Variants in LRRC40 observed in about 807,000 individuals in gnomAD.
LRRC40 encodes the protein leucine rich repeat containing 40.
LRRC40 carries 76 observed loss-of-function variants against 72.8 expected under a neutral mutation model. The observed-to-expected ratio is 1.04, with a 90% CI of 0.87 to 1.26. The LOEUF is 1.26. Ranked by LOEUF, LRRC40 falls within the 50% of genes most tolerant of loss-of-function variation. The pLI, the probability that LRRC40 is intolerant of heterozygous loss-of-function variation, is 0.00. For synonymous variants in LRRC40, 243 were observed against 254.2 expected (o/e 0.96, Z 0.42); for missense variants, 684 against 698.9 (o/e 0.98, Z 0.24).
chr1:70,178,992 C>T lies in LRRC40; in HGVS notation c.663G>A (p.Arg221=). 1 of 1,573,664 alleles carries T rather than the reference C, an allele frequency of 6.4e-7. No individual in the cohort carries two copies. The change falls in exon 6 of 15, where the codon AGG becomes AGA. Residue 221 remains arginine, a splice_region_variant and synonymous_variant. Coordinates refer to ENST00000370952, the MANE Select transcript of LRRC40 (RefSeq NM_017768.5). ...SLPAEINRMK[R]LKHLDCNSNL... ...TTGAATTACAATCCAAATGCTTCAA[C>T]CCTGTAATATATATTCAGTAAAAAA...
rs148674964 is a variant in LRRC40, at chr1:70,163,655, T to C, written c.1112-4217A>G. On this transcript the variant is annotated intron_variant, in intron 9 of 14. Transcript: ENST00000370952. ...CTTAATTGCCCTTTGCCATGTAAGG[T>C]AACCCATTCACAGGTTTCAGGGATT... Among the ~76,000 whole-genome samples the C allele has an allele frequency of 3.0e-4, 45 of 152,330 alleles. No homozygotes were observed. In the East Asian group the frequency reaches 8.7e-3, roughly 29 times the overall value.
intron 9 of LRRC40, among the ~76,000 whole-genome samples, chr1:70,166,249 C>T (rs1667877585): frequency 1.3e-5 from 2 of 152,094 alleles, no homozygotes; most frequent in Non-Finnish European, 2.9e-5. Context: ...CTACAAATGT[C>T]AGGAAATACC....
At chr1:70,190,676 C>CCAAAAAAAAAAAAAAAAA (rs1483272385) in intron 1 of LRRC40, among the ~76,000 whole-genome samples, 1 of 18,148 alleles carries the variant, frequency 5.5e-5, no homozygotes, top group Non-Finnish European at 9.1e-5. Flanking sequence ...GACCCTGTCT[C>CCAAAAAAAAAAAAAAAAA]TAAAAAAAAA....
In LRRC40 at chr1:70,179,362, C is replaced by A. The variant is rs58245673; in HGVS notation, c.662-369G>T. Among the ~76,000 whole-genome samples, 235 of 152,108 alleles carry A rather than the reference C, an allele frequency of 1.5e-3. 1 individual carries two copies. Among genetic ancestry groups the A allele is most frequent in the African/African-American group, 5.3e-3 (219 of 41,504 alleles). On this transcript the variant is annotated intron_variant, in intron 5 of 14. Transcript: ENST00000370952. The stretch of plus-strand genomic sequence containing the variant: ...ATTAGCTGGGCATGGTGGTGCATGC[C>A]TGTAGTCCCAGCTACTTGGGAGGTT...
Position 70,201,851 on chromosome 1 carries a change from C to T in LRRC40, c.151+3539G>A, listed in dbSNP as rs569430165. Among the ~76,000 whole-genome samples the T allele has an allele frequency of 1.5e-4, 23 of 152,176 alleles. No individual in the cohort carries two copies. The South Asian group carries it at 4.0e-3, about 26-fold the overall frequency. On this transcript the variant is annotated intron_variant, in intron 1 of 14. Coordinates refer to ENST00000370952, the MANE Select transcript of LRRC40 (RefSeq NM_017768.5). ...AATTAGCCAGGCATGACAGCACATCCCTGTAATCCCAGCTACTCAGGAGGC... is the reference window on the plus strand; with the variant it reads ...AATTAGCCAGGCATGACAGCACATCTCTGTAATCCCAGCTACTCAGGAGGC...
intron 12 of LRRC40, 79 bp downstream of exon 12, chr1:70,152,354 G>T (rs976334262): frequency 4.1e-6 from 3 of 739,554 alleles, no homozygotes; most frequent in African/African-American, 3.6e-5. Flanking sequence ...GAAAATATGA[G>T]GTAAAAAGAA....
At position 70,181,138 on chromosome 1, in the gene LRRC40, A is replaced by AT. The variant is rs1430773910; in HGVS notation, c.608dup (p.Asn203LysfsTer4). ...AACTCTTCAGTTCATTACTAGAAAG[A>AT]TTGAGTCGCACCAGACTGGACAGAG... On this transcript the variant is annotated frameshift_variant, in exon 5 of 15. Coordinates refer to ENST00000370952, the MANE Select transcript of LRRC40 (RefSeq NM_017768.5). LOFTEE classifies it high-confidence loss of function. The AT allele has an allele frequency of 6.2e-7, 1 of 1,600,396 alleles. No individual in the cohort carries two copies. Among genetic ancestry groups the AT allele is most frequent in the East Asian group, 2.3e-5 (1 of 44,354 alleles).
At chr1:70,162,731 G>A (rs180958306) in intron 9 of LRRC40, among the ~76,000 whole-genome samples, 1 of 152,314 alleles carries the variant, frequency 6.6e-6, no homozygotes, top group African/African-American at 2.4e-5. Flanking sequence ...ATAAAAATGA[G>A]TAAGACACTG....
chr1:70,153,740 G>A (rs998626087), intron 11 of LRRC40, among the ~76,000 whole-genome samples: 2 of 152,072 alleles, frequency 1.3e-5, no homozygotes, highest in African/African-American at 4.8e-5. Context: ...CCAGCACTTT[G>A]GAAGGCCAAG....
chr1:70,180,178 G>C (rs1331429811), intron 5 of LRRC40: 1 of 152,076 alleles, frequency 6.6e-6, no homozygotes, highest in South Asian at 2.1e-4. Flanking sequence ...CCAGGCTTCA[G>C]TGTAGTGGAT....
At chr1:70,189,339 T>C (rs1375564762) in intron 1 of LRRC40, 66 bp from the exon 2 acceptor site, 2 of 1,277,024 alleles carry the variant, frequency 1.6e-6, no homozygotes, top group East Asian at 2.4e-5. Flanking sequence ...CAGAACTAGA[T>C]ACTAAGTGAC....
chr1:70,193,701 G>C (rs760069387), intron 1 of LRRC40, among the ~76,000 whole-genome samples: 2 of 151,930 alleles, frequency 1.3e-5, no homozygotes, highest in Non-Finnish European at 2.9e-5. Flanking sequence ...AATGATTATA[G>C]ACCCAAATTC....
intron 13 of LRRC40, 81 bp downstream of exon 13, chr1:70,151,046 GT>G (rs1380815592): frequency 1.5e-5 from 11 of 742,020 alleles, no homozygotes; most frequent in South Asian, 5.6e-5. Flanking sequence ...GGGCCTTTTT[GT>G]TTTTTTGGCT....
chr1:70,166,281 T>G (rs748173857), intron 9 of LRRC40, among the ~76,000 whole-genome samples: 7 of 152,182 alleles, frequency 4.6e-5, no homozygotes, highest in Non-Finnish European at 1.0e-4. Flanking sequence ...TAAATGTGAT[T>G]GAACAACCAG....
At position 70,198,212 on chromosome 1, in the gene LRRC40, T is replaced by C. The variant is rs1047706427; in HGVS notation, c.151+7178A>G. ...AATAAAAGCTAACCAAACTGCTCTCTTCAAGATAAGGCAGGATAGCCTTAC... is the reference window on the plus strand; with the variant it reads ...AATAAAAGCTAACCAAACTGCTCTCCTCAAGATAAGGCAGGATAGCCTTAC... On this transcript the variant is annotated intron_variant, in intron 1 of 14. Coordinates refer to ENST00000370952, the MANE Select transcript of LRRC40 (RefSeq NM_017768.5). Among the ~76,000 whole-genome samples, 32 of 152,322 alleles carry C rather than the reference T, an allele frequency of 2.1e-4. 1 individual carries two copies. Among genetic ancestry groups the C allele is most frequent in the African/African-American group, 7.7e-4 (32 of 41,574 alleles).
chr1:70,196,474 C>T (rs1558129295), intron 1 of LRRC40, among the ~76,000 whole-genome samples: 1 of 151,864 alleles, frequency 6.6e-6, no homozygotes, highest in Non-Finnish European at 1.5e-5. Context: ...CACTTGAGAC[C>T]AGAAGTTTGA....
At position 70,192,973 on chromosome 1, in the gene LRRC40, T is replaced by TA. The variant is rs956932454; in HGVS notation, c.152-3701dup. 4.0e-5 allele frequency among the ~76,000 whole-genome samples: 6 copies of TA among 150,882 alleles called. No homozygotes were observed. In the East Asian group the frequency reaches 5.8e-4, roughly 15 times the overall value. On this transcript the variant is annotated intron_variant, in intron 1 of 14. Coordinates refer to ENST00000370952, the MANE Select transcript of LRRC40 (RefSeq NM_017768.5). ...TACCCTTGAACCTAAAATAAATGTT[T>TA]AAAAAAAAACAGTATAATGGAATAA...
intron 11 of LRRC40, among the ~76,000 whole-genome samples, chr1:70,153,230 C>T (rs1325704547): frequency 4.0e-5 from 6 of 151,854 alleles, no homozygotes; most frequent in Admixed American, 6.6e-5. Flanking sequence ...GGCATGGTGG[C>T]GGGCACCTGT....
intron 9 of LRRC40, among the ~76,000 whole-genome samples, chr1:70,168,793 ATTTAACAACATATCC>A (rs1449733491): frequency 3.3e-5 from 5 of 152,234 alleles, no homozygotes; most frequent in Non-Finnish European, 7.3e-5. Flanking sequence ...TATAATGGAA[ATTTAACAACATATCC>A]TTAAACAACC....
Sources: allele counts gnomAD v4.1 joint callset (sites outside exome capture counted in the v4.1 genomes callset), GRCh38; gene constraint gnomAD v4.1.1; transcripts MANE v1.5; gene names NCBI Gene and HGNC (gene_info 2026-07-23, HGNC 2026-07-21).